ITPKA: variants seen among roughly 807,000 people sequenced by gnomAD.
The protein encoded by ITPKA is inositol-trisphosphate 3-kinase A, also known as IP3 3-kinase A.
ITPKA carries 16 observed loss-of-function variants against 40.7 expected under a neutral mutation model. That is an observed-to-expected ratio of 0.39 (90% CI 0.27 to 0.60). The LOEUF (loss-of-function observed/expected upper bound fraction) is 0.60, where lower values mean the gene tolerates loss of function less well. Among genes scored for constraint, ITPKA ranks in the 20% least tolerant of loss-of-function variants. ITPKA has a pLI of 0.50. For synonymous variants in ITPKA, 313 were observed against 289.9 expected (o/e 1.08, Z -0.81); for missense variants, 540 against 649.3 (o/e 0.83, Z 1.83).
At position 41,502,185 on chromosome 15, in the gene ITPKA, G is replaced by C; in HGVS notation, c.992G>C (p.Arg331Pro). 3.2e-6 allele frequency: 5 copies of C among 1,578,620 alleles called. No individual in the cohort carries two copies. The highest frequency in any genetic ancestry group is 4.3e-6 in the Non-Finnish European group (5 of 1,162,896). The change falls in exon 4 of 7, where the codon CGC becomes CCC. Residue 331 changes from arginine to proline, a missense_variant. By Grantham distance (103) the Arg-to-Pro change is moderately radical (BLOSUM62 -2). Transcript: ENST00000260386. ...AGCTCCAGCACCACCCTCGGCTTCC[G>C]CATCGAGGGCATCAAGGTGAGGCAG... Reference protein sequence around the residue: ...GISSSTTLGFRIEGIKKADGS... With the variant: ...GISSSTTLGFPIEGIKKADGS...
Position 41,494,093 on chromosome 15 carries a change from G to A in ITPKA, c.166G>A (p.Ala56Thr), listed in dbSNP as rs1595446870. 1 of 1,283,996 alleles carries A rather than the reference G, an allele frequency of 7.8e-7. No individual in the cohort carries two copies. The allele number at this position is 1,283,996 out of a possible 1,614,324, so 79.5% of individuals were successfully genotyped here. The change falls in exon 1 of 7, where the codon GCC becomes ACC. Residue 56 changes from alanine (A) to threonine (T), a missense_variant. Ala to Thr is a moderately conservative substitution (Grantham distance 58). Coordinates refer to ENST00000260386, the MANE Select transcript of ITPKA (RefSeq NM_002220.3). This position sits in a 1 kb window ranked among gnomAD's most constrained non-coding sequence, Gnocchi z 7.8. Reference sequence around the variant, plus strand: ...GGCCGCCGCCGCGGGGGAGCCCCGGGCCCGCGGGGCCAAGCGGCGTGGGGG... The same window carrying A: ...GGCCGCCGCCGCGGGGGAGCCCCGGACCCGCGGGGCCAAGCGGCGTGGGGG... ...AAAAAAGEPR[A>T]RGAKRRGGQV... is the part of the protein sequence containing the mutation.
chr15:41,501,928 G>A, intron 3 of ITPKA, 69 bp from the exon 4 acceptor site: 2 of 1,588,952 alleles, frequency 1.3e-6, no homozygotes, highest in Non-Finnish European at 1.7e-6. Context: ...AGGGGGACCC[G>A]GGGCGAGTGC....
chr15:41,497,399 T>G (rs1163079129), intron 1 of ITPKA, among the ~76,000 whole-genome samples: 1 of 152,172 alleles, frequency 6.6e-6, no homozygotes, highest in Non-Finnish European at 1.5e-5. Context: ...GGCTAAGTTT[T>G]GTATTTTTAA....
chr15:41,497,212 C>G (rs989025611), intron 1 of ITPKA, among the ~76,000 whole-genome samples: 27 of 152,192 alleles, frequency 1.8e-4, no homozygotes, highest in African/African-American at 5.8e-4. Flanking sequence ...AGTCAGCAAT[C>G]CTAGCCTTTG....
In ITPKA at chr15:41,494,023, G is replaced by A; in HGVS notation, c.96G>A (p.Gly32=). The A allele has an allele frequency of 8.4e-7, 1 of 1,195,196 alleles. No homozygotes were observed. Among genetic ancestry groups the A allele is most frequent in the South Asian group, 4.1e-5 (1 of 24,266 alleles). 74.0% of individuals were successfully genotyped at this position (1,195,196 alleles called of 1,614,324 possible). ...GLERAPRRSV[G]ELRLLFEARC... The stretch of plus-strand genomic sequence containing the variant: ...AGCGGGCCCCGCGCCGGAGTGTCGG[G>A]GAGCTGCGCCTGCTCTTCGAGGCGC... Residue 32 remains glycine (G), a synonymous_variant, in exon 1 of 7, where the codon GGG becomes GGA. Transcript: ENST00000260386. This position sits in a 1 kb window ranked among gnomAD's most constrained non-coding sequence, Gnocchi z 7.8.
chr15:41,497,634 T>C (rs1377790895), intron 1 of ITPKA, among the ~76,000 whole-genome samples: 4 of 152,200 alleles, frequency 2.6e-5, no homozygotes, highest in Non-Finnish European at 5.9e-5. Context: ...CCTGCCATGC[T>C]TGGCCATACC....
Position 41,494,468 on chromosome 15 carries a change from A to T in ITPKA, c.489+52A>T, listed in dbSNP as rs2051056142. On this transcript the variant is annotated intron_variant, in intron 1 of 6. Transcript: ENST00000260386. This position sits in a 1 kb window ranked among gnomAD's most constrained non-coding sequence, Gnocchi z 7.8. The stretch of plus-strand genomic sequence containing the variant: ...GCCGGGCGCGGGGGCTGCACGGGGG[A>T]CCTGGCTGGGTGCTCCCGGAGGACC... The T allele has an allele frequency of 1.6e-6, 2 of 1,268,436 alleles. No individual in the cohort carries two copies. Among genetic ancestry groups the T allele is most frequent in the Admixed American group, 3.4e-5 (1 of 28,998 alleles). The allele number at this position is 1,268,436 out of a possible 1,614,324, so 78.6% of individuals were successfully genotyped here.
At position 41,502,993 on chromosome 15, in the gene ITPKA, G is replaced by T. The variant is rs757453229; in HGVS notation, c.1213G>T (p.Asp405Tyr). Residue 405 changes from aspartate to tyrosine, a missense_variant, in exon 7 of 7, where the codon GAT (aspartate) becomes TAT (tyrosine). Coordinates refer to ENST00000260386, the MANE Select transcript of ITPKA (RefSeq NM_002220.3). Reference protein sequence around the residue: ...VIGSSLLFVHDHCHRAGVWLI... With the variant: ...VIGSSLLFVHYHCHRAGVWLI... Reference sequence around the variant, plus strand: ...CGGCAGCTCGCTCCTCTTTGTGCACGATCACTGCCATCGCGCCGGCGTGTG... The same window carrying T: ...CGGCAGCTCGCTCCTCTTTGTGCACTATCACTGCCATCGCGCCGGCGTGTG... 1 of 1,606,502 alleles carries T rather than the reference G, an allele frequency of 6.2e-7. No individual in the cohort carries two copies. Among genetic ancestry groups the T allele is most frequent in the Non-Finnish European group, 8.5e-7 (1 of 1,176,152 alleles).
At chr15:41,502,285 C>T (rs1034815697) in intron 4 of ITPKA, 84 bp downstream of exon 4, 66 of 1,328,372 alleles carry the variant, frequency 5.0e-5, no homozygotes, top group Non-Finnish European at 6.8e-5. Flanking sequence ...CCCGCCTGCC[C>T]CTCCGCCCTC....
intron 2 of ITPKA, 29 bp from the exon 3 acceptor site, chr15:41,501,606 G>A: frequency 6.3e-7 from 1 of 1,586,254 alleles, no homozygotes; most frequent in Non-Finnish European, 8.6e-7. Context: ...GGAAGGGGCT[G>A]GGCGGCGCTG....
chr15:41,502,970 G>A lies in ITPKA; in HGVS notation c.1190G>A (p.Gly397Asp). The A allele has an allele frequency of 6.2e-7, 1 of 1,600,044 alleles. No homozygotes were observed. Among genetic ancestry groups the A allele is most frequent in the South Asian group, 1.1e-5 (1 of 90,038 alleles). ...SEFFRRHEVI[G>D]SSLLFVHDHC... ...ACGGTGCGGGGCTCGCAGGTGATCG[G>A]CAGCTCGCTCCTCTTTGTGCACGAT... The change falls in exon 7 of 7, where the codon GGC becomes GAC. Residue 397 changes from glycine (G) to aspartate (D), a missense_variant. Transcript: ENST00000260386.
rs2051141944 is a variant in ITPKA at position 41,503,506 on chromosome 15, TCACAC to T, written c.*344_*348del. On this transcript the variant is annotated 3_prime_UTR_variant, in exon 7 of 7. Transcript: ENST00000260386. ...AGCCCAGACCTTCCGGTCTAACGTC[TCACAC>T]CACGACGGACTCCCCTTCCTAATAA... 3.3e-6 allele frequency: 2 copies of T among 604,354 alleles called. No individual in the cohort carries two copies. The highest frequency in any genetic ancestry group is 3.6e-5 in the African/African-American group (2 of 55,248). 37.4% of individuals were successfully genotyped at this position (604,354 alleles called of 1,614,324 possible).
intron 1 of ITPKA, among the ~76,000 whole-genome samples, chr15:41,496,900 C>T (rs2051076318): frequency 1.3e-5 from 2 of 152,140 alleles, no homozygotes; most frequent in Non-Finnish European, 2.9e-5. Context: ...GCAATTGGAA[C>T]ATGGGGAGGG....
At position 41,503,268 on chromosome 15, in the gene ITPKA, G is replaced by A. The variant is rs1317088356; in HGVS notation, c.*102G>A. On this transcript the variant is annotated 3_prime_UTR_variant, in exon 7 of 7. Coordinates refer to ENST00000260386, the MANE Select transcript of ITPKA (RefSeq NM_002220.3). ...TGAGACTGGAGCCCCGCGGTGCAGGGCAGTTCACCGGGTCCTGCAGGACCA... is the reference window on the plus strand; with the variant it reads ...TGAGACTGGAGCCCCGCGGTGCAGGACAGTTCACCGGGTCCTGCAGGACCA... The A allele has an allele frequency of 1.1e-6, 1 of 871,964 alleles. No homozygotes were observed. The highest frequency in any genetic ancestry group is 1.7e-6 in the Non-Finnish European group (1 of 579,070). The allele number at this position is 871,964 out of a possible 1,614,324, so 54.0% of individuals were successfully genotyped here. A position where few individuals can be genotyped will look rare whatever the true frequency, so the allele number is the denominator to read the frequency against.
At chr15:41,502,287 T>TC in intron 4 of ITPKA, 86 bp downstream of exon 4, 9 of 1,011,260 alleles carry the variant, frequency 8.9e-6, no homozygotes, top group Middle Eastern at 3.8e-4. Context: ...CGCCTGCCCC[T>TC]CCGCCCTCTC....
intron 1 of ITPKA, among the ~76,000 whole-genome samples, chr15:41,500,919 G>C (rs2051104606): frequency 6.9e-6 from 1 of 144,312 alleles, no homozygotes. Context: ...TGAAACAAGA[G>C]AACCGCCTGA....
Position 41,502,241 on chromosome 15 carries a change from C to G in ITPKA, c.1008+40C>G, listed in dbSNP as rs1595450472. On this transcript the variant is annotated intron_variant, in intron 4 of 6. Coordinates refer to ENST00000260386, the MANE Select transcript of ITPKA (RefSeq NM_002220.3). Reference sequence around the variant, plus strand: ...CTTCGCTGGCACCGCCGCAGCCCCACTGCGCGCTGTCTTTCCCGATCCCCC... The same window carrying G: ...CTTCGCTGGCACCGCCGCAGCCCCAGTGCGCGCTGTCTTTCCCGATCCCCC... 3 of 1,538,558 alleles carry G rather than the reference C, an allele frequency of 1.9e-6. No individual in the cohort carries two copies. In the East Asian group the frequency reaches 7.2e-5, roughly 37 times the overall value.
chr15:41,501,296 A>T (rs1757456), intron 1 of ITPKA, 167 bp from the exon 2 acceptor site: 484,123 of 1,439,678 alleles, frequency 0.34, 82,779 homozygotes, highest in Non-Finnish European at 0.35. Context: ...CACCCGCCAC[A>T]CAGGCGCACA....
intron 5 of ITPKA, 64 bp downstream of exon 5, chr15:41,502,567 T>C (rs997757651): frequency 1.9e-6 from 2 of 1,047,068 alleles, no homozygotes; most frequent in South Asian, 2.6e-5. Context: ...GCCCCTGTCA[T>C]CTGGCCCAGT....
Sources: allele counts gnomAD v4.1 joint callset (sites outside exome capture counted in the v4.1 genomes callset), GRCh38; gene constraint gnomAD v4.1.1; non-coding constraint Gnocchi (gnomAD v3.1); transcripts MANE v1.5; gene names NCBI Gene and HGNC (gene_info 2026-07-23, HGNC 2026-07-21).